PPARGC1B: variants seen among roughly 807,000 people sequenced by gnomAD.
PPARGC1B encodes the protein PPARG coactivator 1 beta, also known as peroxisome proliferator-activated receptor gamma coactivator 1-beta.
PPARGC1B carries 34 observed loss-of-function variants against 101.6 expected under a neutral mutation model. That is an observed-to-expected ratio of 0.33 (90% CI 0.25 to 0.45). The LOEUF is 0.45. PPARGC1B is among the 20% of genes least tolerant of loss of function. PPARGC1B has a pLI of 1.00. For missense variants in PPARGC1B, 1,234 were observed against 1,317.6 expected, an observed-to-expected ratio of 0.94 and a Z score of 0.98; for synonymous variants, 548 against 539.3, an observed-to-expected ratio of 1.02 and a Z score of -0.22.
At chr5:149,749,254 G>A (rs940760831) in intron 1 of PPARGC1B, among the ~76,000 whole-genome samples, 2 of 152,170 alleles carry the variant, frequency 1.3e-5, no homozygotes, top group Admixed American at 1.3e-4. Flanking sequence ...GTGTCACTGC[G>A]AAATTCACAC....
At chr5:149,765,721 C>A (rs1283560276) in intron 1 of PPARGC1B, among the ~76,000 whole-genome samples, 1 of 151,994 alleles carries the variant, frequency 6.6e-6, no homozygotes, top group Non-Finnish European at 1.5e-5. Context: ...ATTAGCCAGG[C>A]GTGGTGGCGG....
intron 5 of PPARGC1B, 108 bp from the exon 6 acceptor site, chr5:149,834,566 G>A: frequency 2.1e-6 from 2 of 955,598 alleles, no homozygotes; most frequent in Non-Finnish European, 3.2e-6. Flanking sequence ...CCTGCCCAAA[G>A]GGCAGCTGTG....
At position 149,730,980 on chromosome 5, in the gene PPARGC1B, G is replaced by C. The variant is rs1175717569; in HGVS notation, c.78+560G>C. Among the ~76,000 whole-genome samples the C allele has an allele frequency of 2.0e-5, 3 of 152,244 alleles. No homozygotes were observed. The highest frequency in any genetic ancestry group is 4.8e-5 in the African/African-American group (2 of 41,472). Reference sequence around the variant, plus strand: ...GCCGGCTAAAGGCATAAGGGTCTGCGGGGCACGTGGACATGCGGGCGGAGA... The same window carrying C: ...GCCGGCTAAAGGCATAAGGGTCTGCCGGGCACGTGGACATGCGGGCGGAGA... On this transcript the variant is annotated intron_variant, in intron 1 of 11. Transcript: ENST00000309241. This position sits in a 1 kb window ranked among gnomAD's most constrained non-coding sequence, Gnocchi z 4.0.
At chr5:149,802,572 A>G (rs1301471675) in intron 1 of PPARGC1B, among the ~76,000 whole-genome samples, 1 of 151,372 alleles carries the variant, frequency 6.6e-6, no homozygotes, top group Non-Finnish European at 1.5e-5. Context: ...GAAGGAAGCT[A>G]ACAGTTTGGA....
rs1314934326 is a variant in PPARGC1B at position 149,833,446 on chromosome 5, G to A, written c.1373G>A (p.Arg458Gln). The change falls in exon 5 of 12, where the codon CGA becomes CAA. Residue 458 changes from arginine to glutamine, a missense_variant. Transcript: ENST00000309241. The surrounding 1 kb of genome is among the most constrained non-coding windows in gnomAD (Gnocchi z 4.1). ...GAGTGGGGCAGGAAAAGGCCAGGCC[G>A]AGGCCTGCCATGGACGAAGCTGGGG... ...EEEWGRKRPG[R>Q]GLPWTKLGRK... 30 of 1,576,924 alleles carry A rather than the reference G, an allele frequency of 1.9e-5. No individual in the cohort carries two copies. The highest frequency in any genetic ancestry group is 2.4e-5 in the East Asian group (1 of 42,478).
intron 1 of PPARGC1B, among the ~76,000 whole-genome samples, chr5:149,761,108 G>A (rs922994182): frequency 5.9e-5 from 9 of 152,084 alleles, no homozygotes; most frequent in African/African-American, 2.2e-4. Context: ...CTTTATTGAG[G>A]TAAACTTGAC....
At chr5:149,732,490 C>A (rs1295898360) in intron 1 of PPARGC1B, among the ~76,000 whole-genome samples, 1 of 152,232 alleles carries the variant, frequency 6.6e-6, no homozygotes, top group East Asian at 1.9e-4. Flanking sequence ...CCCAGCGAGC[C>A]TAGCTAGCAG....
intron 4 of PPARGC1B, among the ~76,000 whole-genome samples, chr5:149,831,246 T>C (rs889667514): frequency 2.0e-5 from 3 of 152,058 alleles, no homozygotes; most frequent in Non-Finnish European, 2.9e-5. Flanking sequence ...GGATTTTTTT[T>C]CCCCCCTCAG....
At position 149,833,784 on chromosome 5, in the gene PPARGC1B, C is replaced by CA. The variant is rs772686525; in HGVS notation, c.1705+7dup. ...CCCGCAGCTCCCTCCCAGAGGTAGT[C>CA]AGAGTTGGTGGTCTGCGAAGTGGGG... is the stretch of plus-strand genomic sequence containing the variant. On this transcript the variant is annotated splice_region_variant and intron_variant, in intron 5 of 11. Coordinates refer to ENST00000309241, the MANE Select transcript of PPARGC1B (RefSeq NM_133263.4). The surrounding 1 kb of genome is among the most constrained non-coding windows in gnomAD (Gnocchi z 4.1). 16 of 1,503,078 alleles carry CA rather than the reference C, an allele frequency of 1.1e-5. No homozygotes were observed. In the African/African-American group the frequency reaches 1.5e-4, roughly 14 times the overall value. The allele number at this position is 1,503,078 out of a possible 1,614,324, so 93.1% of individuals were successfully genotyped here. A position where few individuals can be genotyped will look rare whatever the true frequency, so the allele number is the denominator to read the frequency against.
chr5:149,841,744 C>T (rs548305854), intron 9 of PPARGC1B, among the ~76,000 whole-genome samples: 1 of 152,320 alleles, frequency 6.6e-6, no homozygotes, highest in East Asian at 1.9e-4. Flanking sequence ...ACTGGCATAG[C>T]ATGGAACTCT....
chr5:149,750,837 C>T (rs900798714), intron 1 of PPARGC1B, among the ~76,000 whole-genome samples: 1 of 152,194 alleles, frequency 6.6e-6, no homozygotes, highest in Admixed American at 6.5e-5. Context: ...GGTCCAAGTA[C>T]GCACGATGGG....
chr5:149,786,148 A>G (rs1038448440), intron 1 of PPARGC1B, among the ~76,000 whole-genome samples: 1 of 152,060 alleles, frequency 6.6e-6, no homozygotes, highest in African/African-American at 2.4e-5. Flanking sequence ...GCTGGAGTCC[A>G]GTGGCTCGAT....
intron 1 of PPARGC1B, among the ~76,000 whole-genome samples, chr5:149,808,512 T>A (rs1757682298): frequency 6.6e-6 from 1 of 150,624 alleles, no homozygotes; most frequent in Non-Finnish European, 1.5e-5. Context: ...GTTTGTGTGA[T>A]CATGTATCTT....
chr5:149,816,711 G>A lies in PPARGC1B; in HGVS notation c.79-3722G>A, dbSNP rs367767509. 8.5e-5 allele frequency among the ~76,000 whole-genome samples: 13 copies of A among 152,316 alleles called. No individual in the cohort carries two copies. In the South Asian group the frequency reaches 2.5e-3, roughly 29 times the overall value. On this transcript the variant is annotated intron_variant, in intron 1 of 11. Coordinates refer to ENST00000309241, the MANE Select transcript of PPARGC1B (RefSeq NM_133263.4). ...TGCTCTGAGTTACTGGAGAGAGGGA[G>A]ATCTGGAACATAGAGCTCACCCAAG...
In PPARGC1B at chr5:149,837,481, AAAAG is replaced by A. The variant is rs983925230; in HGVS notation, c.2618+414_2618+417del. On this transcript the variant is annotated intron_variant, in intron 8 of 11. Coordinates refer to ENST00000309241, the MANE Select transcript of PPARGC1B (RefSeq NM_133263.4). The surrounding 1 kb of genome is among the most constrained non-coding windows in gnomAD (Gnocchi z 4.2). ...TTGAATTCTAGGGATGTTTATAAGT[AAAAG>A]AAAGATTAGTGTAATTCTAATCTGT... Among the ~76,000 whole-genome samples, 1 of 152,244 alleles carries A rather than the reference AAAAG, an allele frequency of 6.6e-6. No individual in the cohort carries two copies. The highest frequency in any genetic ancestry group is 2.4e-5 in the African/African-American group (1 of 41,466).
intron 1 of PPARGC1B, among the ~76,000 whole-genome samples, chr5:149,753,498 A>G (rs1413251738): frequency 6.6e-6 from 1 of 151,946 alleles, no homozygotes; most frequent in Non-Finnish European, 1.5e-5. Flanking sequence ...GGCATGAGCC[A>G]CTGTGCCTGG....
At chr5:149,802,645 T>C (rs1268524231) in intron 1 of PPARGC1B, among the ~76,000 whole-genome samples, 1 of 150,994 alleles carries the variant, frequency 6.6e-6, no homozygotes, top group African/African-American at 2.4e-5. Context: ...AGAGCCCTCA[T>C]GACACTTCTG....
In PPARGC1B at chr5:149,832,988, C is replaced by G; in HGVS notation, c.915C>G (p.Pro305=). 6.2e-7 allele frequency: 1 copy of G among 1,613,556 alleles called. No individual in the cohort carries two copies. The highest frequency in any genetic ancestry group is 8.5e-7 in the Non-Finnish European group (1 of 1,180,024). Residue 305 remains proline (P), a synonymous_variant, in exon 5 of 12, where the codon CCC becomes CCG. Coordinates refer to ENST00000309241, the MANE Select transcript of PPARGC1B (RefSeq NM_133263.4). The surrounding 1 kb of genome is among the most constrained non-coding windows in gnomAD (Gnocchi z 4.9). ...HTYCLPQRKL[P]PQTPEPLPKA... ...ACTGCCTCCCCCAGAGGAAGCTGCC[C>G]CCACAGACCCCTGAGCCACTCCCCA...
At chr5:149,783,245 G>T (rs556069653) in intron 1 of PPARGC1B, among the ~76,000 whole-genome samples, 1 of 152,232 alleles carries the variant, frequency 6.6e-6, no homozygotes, top group East Asian at 1.9e-4. Flanking sequence ...AACTCCATTT[G>T]CCATTTTGCC....
Sources: gnomAD v4.1 joint callset for allele counts (sites outside exome capture counted in the v4.1 genomes callset) on GRCh38, gnomAD v4.1.1 for gene constraint, Gnocchi (gnomAD v3.1) non-coding constraint, MANE v1.5 for transcripts, NCBI Gene and HGNC (gene_info 2026-07-23, HGNC 2026-07-21) for gene names.